The following GRIN2A variants were observed in gnomAD, a reference collection of about 807,000 sequenced individuals.
GRIN2A encodes glutamate ionotropic receptor NMDA type subunit 2A.
In GRIN2A, 22 loss-of-function variants were observed where a neutral mutation model predicts 113.4. The observed-to-expected ratio is 0.19, with a 90% CI of 0.14 to 0.28. The LOEUF is 0.28. Among genes scored for constraint, GRIN2A ranks in the 10% least tolerant of loss-of-function variants. The pLI is 1.00. For synonymous variants in GRIN2A, 827 were observed against 738.4 expected, an observed-to-expected ratio of 1.12 and a Z score of -1.94; for missense variants, 1,502 against 1,887.0, an observed-to-expected ratio of 0.80 and a Z score of 3.78.
At chr16:9,776,202 C>T (rs1167438187) in intron 11 of GRIN2A, among the ~76,000 whole-genome samples, 3 of 151,942 alleles carry the variant, frequency 2.0e-5, no homozygotes, top group African/African-American at 4.8e-5. Flanking sequence ...CAGAGGTATC[C>T]ACCTTCAGGA....
intron 2 of GRIN2A, among the ~76,000 whole-genome samples, chr16:10,100,812 T>G (rs1213580230): frequency 1.3e-5 from 2 of 152,220 alleles, no homozygotes; most frequent in African/African-American, 4.8e-5. Context: ...CTGATTTGAA[T>G]GGCCCAGATG....
At chr16:9,784,424 C>T (rs1204177159) in intron 11 of GRIN2A, among the ~76,000 whole-genome samples, 1 of 139,110 alleles carries the variant, frequency 7.2e-6, no homozygotes, top group Non-Finnish European at 1.5e-5. Flanking sequence ...GAGCAAAACT[C>T]TAACAACAAC....
intron 2 of GRIN2A, among the ~76,000 whole-genome samples, chr16:10,056,508 C>G (rs1483712159): frequency 1.3e-5 from 2 of 152,174 alleles, no homozygotes; most frequent in Non-Finnish European, 2.9e-5. Flanking sequence ...TTGGGTTGAG[C>G]AGCATCCTTC....
intron 2 of GRIN2A, among the ~76,000 whole-genome samples, chr16:10,102,529 C>CT (rs1051514427): frequency 2.2e-4 from 34 of 152,182 alleles, no homozygotes; most frequent in African/African-American, 8.2e-4. Context: ...TTTCTTTCTT[C>CT]TTTTTTTCTT....
At chr16:10,035,031 T>A (rs2046999271) in intron 2 of GRIN2A, among the ~76,000 whole-genome samples, 1 of 151,980 alleles carries the variant, frequency 6.6e-6, no homozygotes. Context: ...TTCACTTTCT[T>A]TTAACGTGTT....
At chr16:10,082,942 A>G (rs903797922) in intron 2 of GRIN2A, among the ~76,000 whole-genome samples, 1 of 37,658 alleles carries the variant, frequency 2.7e-5, no homozygotes, top group Non-Finnish European at 7.3e-5. Context: ...TTTTCCTGTC[A>G]TTCTTTTTTA....
intron 2 of GRIN2A, among the ~76,000 whole-genome samples, chr16:9,964,810 C>T (rs144513813): frequency 1.2e-3 from 181 of 152,284 alleles, no homozygotes; most frequent in African/African-American, 3.9e-3. Context: ...AGGTACTAAA[C>T]CCTGAATCTC....
chr16:9,974,244 G>A (rs1596377792), intron 2 of GRIN2A, among the ~76,000 whole-genome samples: 1 of 152,158 alleles, frequency 6.6e-6, no homozygotes, highest in Non-Finnish European at 1.5e-5. Flanking sequence ...AGTTAGCCTG[G>A]TGCCTAGGAA....
chr16:9,820,958 G>A (rs934617539), intron 10 of GRIN2A, among the ~76,000 whole-genome samples: 1 of 152,178 alleles, frequency 6.6e-6, no homozygotes, highest in African/African-American at 2.4e-5. Flanking sequence ...AGCCCCTGCT[G>A]AGATGCCAAA....
At chr16:9,996,997 T>C (rs1440377149) in intron 2 of GRIN2A, among the ~76,000 whole-genome samples, 1 of 152,212 alleles carries the variant, frequency 6.6e-6, no homozygotes, top group African/African-American at 2.4e-5. Context: ...ACTTAAGTCA[T>C]GCTCTTTCGT....
At chr16:10,140,669 T>A (rs748260087) in intron 2 of GRIN2A, among the ~76,000 whole-genome samples, 14 of 152,184 alleles carry the variant, frequency 9.2e-5, no homozygotes, top group Non-Finnish European at 1.9e-4. Context: ...ATGACCAGCC[T>A]GGTCAGTCAG....
chr16:10,150,829 T>C (rs1216044080), intron 2 of GRIN2A, among the ~76,000 whole-genome samples: 1 of 152,220 alleles, frequency 6.6e-6, no homozygotes, highest in African/African-American at 2.4e-5. Context: ...ACTTATATGC[T>C]TCTTCATTCT....
At chr16:10,000,578 A>C (rs1484761951) in intron 2 of GRIN2A, among the ~76,000 whole-genome samples, 1 of 151,972 alleles carries the variant, frequency 6.6e-6, no homozygotes, top group Non-Finnish European at 1.5e-5. Flanking sequence ...GTACTTTAGC[A>C]TGGAATAAGG....
intron 4 of GRIN2A, among the ~76,000 whole-genome samples, chr16:9,874,856 C>T (rs978022864): frequency 1.3e-5 from 2 of 151,928 alleles, no homozygotes; most frequent in Non-Finnish European, 2.9e-5. Flanking sequence ...GAGGCCAAGG[C>T]AGGCAGATTG....
chr16:10,092,397 T>C lies in GRIN2A; in HGVS notation c.414+87601A>G, dbSNP rs556965605. 2.6e-5 allele frequency among the ~76,000 whole-genome samples: 4 copies of C among 152,290 alleles called. No individual in the cohort carries two copies. The South Asian group carries it at 8.3e-4, about 32-fold the overall frequency. On this transcript the variant is annotated intron_variant, in intron 2 of 12. Transcript: ENST00000330684. ...GGTCTTCCCACGTTAGCAGTCGGAA[T>C]ACAGGGGACAGCATCACCTCCTTTG...
Position 9,762,881 on chromosome 16 carries a change from C to G in GRIN2A, c.*268G>C. The G allele has an allele frequency of 1.8e-6, 1 of 545,524 alleles. No individual in the cohort carries two copies. Among genetic ancestry groups the G allele is most frequent in the South Asian group, 2.3e-5 (1 of 43,944 alleles). 33.8% of individuals were successfully genotyped at this position (545,524 alleles called of 1,614,324 possible). Reference sequence around the variant, plus strand: ...GCCAACATACCCAGTAGGCATGTCCCGGAGACTTGCCCTTATGTAGTTAGT... The same window carrying G: ...GCCAACATACCCAGTAGGCATGTCCGGGAGACTTGCCCTTATGTAGTTAGT... On this transcript the variant is annotated 3_prime_UTR_variant, in exon 13 of 13. Transcript: ENST00000330684.
At chr16:10,112,699 AG>A (rs1430330970) in intron 2 of GRIN2A, 3 of 748,500 alleles carry the variant, frequency 4.0e-6, no homozygotes, top group Non-Finnish European at 7.4e-6. Flanking sequence ...AATATTGTGC[AG>A]GGTGTCTCGG....
intron 9 of GRIN2A, among the ~76,000 whole-genome samples, chr16:9,824,377 T>G (rs1032562254): frequency 3.9e-5 from 6 of 152,186 alleles, no homozygotes; most frequent in African/African-American, 1.4e-4. Context: ...AGAGAGGTAA[T>G]AGTGCTGTTC....
chr16:9,981,043 AG>A (rs1797603396), intron 2 of GRIN2A, among the ~76,000 whole-genome samples: 1 of 150,140 alleles, frequency 6.7e-6, no homozygotes. Context: ...GAAAAAAAAA[AG>A]AGAGAGAGAG....
Sources: allele counts gnomAD v4.1 joint callset (sites outside exome capture counted in the v4.1 genomes callset), GRCh38; gene constraint gnomAD v4.1.1; transcripts MANE v1.5; gene names NCBI Gene and HGNC (gene_info 2026-07-23, HGNC 2026-07-21).